Variants in SYNPR observed in about 807,000 individuals in gnomAD.
The protein encoded by SYNPR is synaptoporin.
A neutral mutation model predicts 32.9 loss-of-function variants in SYNPR; 23 were observed. The observed-to-expected ratio is 0.70, with a 90% CI of 0.50 to 0.99. SYNPR has a LOEUF of 0.99. Ranked by LOEUF, SYNPR falls within the 50% of genes least tolerant of loss-of-function variation. SYNPR has a pLI of 0.00. For missense variants in SYNPR, 318 were observed against 349.3 expected (o/e 0.91, Z 0.71); for synonymous variants, 146 against 135.9 (o/e 1.07, Z -0.52).
intron 2 of SYNPR, among the ~76,000 whole-genome samples, chr3:63,287,720 G>T (rs900185444): frequency 6.6e-6 from 1 of 152,222 alleles, no homozygotes; most frequent in East Asian, 1.9e-4. Context: ...CATTGGATGA[G>T]ATGTAAATTC....
At chr3:63,298,194 C>G (rs540816974) in intron 2 of SYNPR, among the ~76,000 whole-genome samples, 1 of 152,160 alleles carries the variant, frequency 6.6e-6, no homozygotes, top group South Asian at 2.1e-4. Flanking sequence ...TTGGTTTGGC[C>G]TACACTCAGG....
At chr3:63,556,883 AGC>A (rs1357459664) in intron 4 of SYNPR, 142 bp downstream of exon 4, 9 of 861,634 alleles carry the variant, frequency 1.0e-5, no homozygotes, top group African/African-American at 5.1e-5. Context: ...AATCTCTCGA[AGC>A]CACAACAAAA....
intron 2 of SYNPR, among the ~76,000 whole-genome samples, chr3:63,455,291 C>T (rs1398408555): frequency 6.6e-6 from 1 of 152,126 alleles, no homozygotes; most frequent in Admixed American, 6.6e-5. Context: ...TAGAATACCA[C>T]TGGGCTTCAA....
intron 3 of SYNPR, among the ~76,000 whole-genome samples, chr3:63,271,904 T>C (rs1271158995): frequency 6.6e-6 from 1 of 152,092 alleles, no homozygotes; most frequent in Non-Finnish European, 1.5e-5. Flanking sequence ...TGACCAAATA[T>C]TCTTGCTAAC....
intron 3 of SYNPR, among the ~76,000 whole-genome samples, chr3:63,481,193 A>G (rs1050069192): frequency 1.3e-5 from 2 of 152,090 alleles, no homozygotes; most frequent in Non-Finnish European, 2.9e-5. Context: ...AAGAAAAAAT[A>G]CTTGCTACAA....
At chr3:63,212,052 T>A in the SYNPR span, among the ~76,000 whole-genome samples, 2 of 52,034 alleles carry the variant, frequency 3.8e-5, 1 homozygote, top group Non-Finnish European at 8.8e-5. Flanking sequence ...TCATTTTTTA[T>A]GGCTGCATAG....
At chr3:63,374,875 T>G (rs982382155) in intron 2 of SYNPR, among the ~76,000 whole-genome samples, 1 of 152,200 alleles carries the variant, frequency 6.6e-6, no homozygotes, top group African/African-American at 2.4e-5. Context: ...GTAAGGTTTG[T>G]CAAAGATCAG....
intron 2 of SYNPR, among the ~76,000 whole-genome samples, chr3:63,394,138 TTGCTCCACTTCCA>T (rs2088179905): frequency 6.6e-6 from 1 of 152,212 alleles, no homozygotes; most frequent in African/African-American, 2.4e-5. Context: ...GAATAAATAT[TTGCTCCACTTCCA>T]AATGAGCTTT....
chr3:63,450,516 G>C (rs544170818), intron 2 of SYNPR, among the ~76,000 whole-genome samples: 8 of 152,234 alleles, frequency 5.3e-5, no homozygotes, highest in African/African-American at 1.7e-4. Flanking sequence ...ACAGAGGAAG[G>C]CTGGCATATG....
intron 2 of SYNPR, among the ~76,000 whole-genome samples, chr3:63,291,254 CT>C (rs1285998822): frequency 2.0e-5 from 3 of 151,970 alleles, no homozygotes; most frequent in Non-Finnish European, 2.9e-5. Context: ...GGATTAATGG[CT>C]GAGAAACCTT....
intron 4 of SYNPR, among the ~76,000 whole-genome samples, chr3:63,599,147 C>A (rs1700002881): frequency 6.6e-6 from 1 of 152,092 alleles, no homozygotes; most frequent in Admixed American, 6.5e-5. Flanking sequence ...TGATGGTGGT[C>A]CCATTAGATT....
intron 2 of SYNPR, among the ~76,000 whole-genome samples, chr3:63,386,442 TCAA>T (rs1336040252): frequency 6.6e-6 from 1 of 152,228 alleles, no homozygotes; most frequent in East Asian, 1.9e-4. Context: ...GCCTTCCTCA[TCAA>T]CAAGCTTTGT....
intron 2 of SYNPR, among the ~76,000 whole-genome samples, chr3:63,340,667 C>T (rs1448409281): frequency 2.0e-5 from 3 of 152,072 alleles, no homozygotes; most frequent in Non-Finnish European, 4.4e-5. Flanking sequence ...GATCTGCCCG[C>T]CTCGGCCTCC....
chr3:63,371,858 C>A (rs758399890), intron 2 of SYNPR, among the ~76,000 whole-genome samples: 20 of 152,224 alleles, frequency 1.3e-4, no homozygotes, highest in Non-Finnish European at 2.6e-4. Context: ...GCCACTGGAA[C>A]TGCAGTAGTA....
upstream of SYNPR, among the ~76,000 whole-genome samples, chr3:63,224,580 T>G (rs535768725): frequency 6.6e-6 from 1 of 152,308 alleles, no homozygotes; most frequent in Admixed American, 6.5e-5. Flanking sequence ...GCATGAAACC[T>G]CTTGGAAAGT....
chr3:63,543,623 G>A (rs1001391593), intron 3 of SYNPR, among the ~76,000 whole-genome samples: 3 of 151,982 alleles, frequency 2.0e-5, no homozygotes, highest in Non-Finnish European at 2.9e-5. Flanking sequence ...CTAGATCAGT[G>A]TCATTGACCT....
At chr3:63,420,994 C>T (rs1041760472) in intron 2 of SYNPR, among the ~76,000 whole-genome samples, 4 of 152,170 alleles carry the variant, frequency 2.6e-5, no homozygotes, top group Non-Finnish European at 5.9e-5. Flanking sequence ...AATCTTTCCA[C>T]CTCAGCCTTC....
At chr3:63,253,236 T>C (rs2086351654) in intron 2 of SYNPR, among the ~76,000 whole-genome samples, 1 of 152,078 alleles carries the variant, frequency 6.6e-6, no homozygotes, top group South Asian at 2.1e-4. Flanking sequence ...TAGAGTCAAG[T>C]ATGGTAAATA....
At chr3:63,276,620 T>TTCCCCCC (rs1560175989), upstream of SYNPR, among the ~76,000 whole-genome samples, 1 of 142,036 alleles carries the variant, frequency 7.0e-6, no homozygotes, top group Non-Finnish European at 1.5e-5. Flanking sequence ...TAGTGTTAGT[T>TTCCCCCC]CCCCCCACCC....
Sources: gnomAD v4.1 joint callset for allele counts (sites outside exome capture counted in the v4.1 genomes callset) on GRCh38, gnomAD v4.1.1 for gene constraint, MANE v1.5 for transcripts, NCBI Gene and HGNC (gene_info 2026-07-23, HGNC 2026-07-21) for gene names.